Variants in C7 observed in about 807,000 individuals in gnomAD.
The protein encoded by C7 is complement component C7.
In C7, 83 loss-of-function variants were observed where a neutral mutation model predicts 104.8. The observed-to-expected ratio is 0.79, with a 90% CI of 0.66 to 0.95. The LOEUF is 0.95. Among genes scored for constraint, C7 ranks in the 40% least tolerant of loss-of-function variants. The pLI is 0.00. For synonymous variants in C7, 415 were observed against 360.6 expected, an observed-to-expected ratio of 1.15 and a Z score of -1.71; for missense variants, 1,070 against 1,011.2, an observed-to-expected ratio of 1.06 and a Z score of -0.79.
At chr5:40,913,944 G>T (rs1739263198) in intron 1 of C7, among the ~76,000 whole-genome samples, 2 of 152,152 alleles carry the variant, frequency 1.3e-5, no homozygotes, top group Non-Finnish European at 2.9e-5. Flanking sequence ...CTCCCAAAGT[G>T]TTGGGATTAC....
rs141551681 is a variant in C7 at position 40,963,665 on chromosome 5, T to C, written c.1750-1076T>C. The stretch of plus-strand genomic sequence containing the variant: ...TTGAGTTTTTCACCATCCCCTTGGG[T>C]GGAAGACAATGAGAAGGGTAAGGAA... On this transcript the variant is annotated intron_variant, in intron 13 of 17. Transcript: ENST00000313164. Among the ~76,000 whole-genome samples, 784 of 152,188 alleles carry C rather than the reference T, an allele frequency of 5.2e-3. 7 individuals are homozygous for C. Among genetic ancestry groups the C allele is most frequent in the African/African-American group, 0.018 (739 of 41,516 alleles).
At chr5:40,962,499 C>T (rs1318773819) in intron 13 of C7, among the ~76,000 whole-genome samples, 2 of 152,174 alleles carry the variant, frequency 1.3e-5, no homozygotes, top group Non-Finnish European at 2.9e-5. Context: ...CTCTTTAACT[C>T]ACAGAGCTTC....
chr5:40,921,114 A>C (rs1040017694), intron 1 of C7, among the ~76,000 whole-genome samples: 4 of 152,130 alleles, frequency 2.6e-5, no homozygotes, highest in Non-Finnish European at 5.9e-5. Context: ...AATTCAGTAA[A>C]TTTGCAGGCT....
chr5:40,947,584 T>C lies in C7; in HGVS notation c.739-18T>C. Reference sequence around the variant, plus strand: ...ATCTTCCACCTAAAACTCCTTGTACTCTTTCTTCTTTCCACAGAGTTACCA... The same window carrying C: ...ATCTTCCACCTAAAACTCCTTGTACCCTTTCTTCTTTCCACAGAGTTACCA... On this transcript the variant is annotated intron_variant, in intron 7 of 17. Coordinates refer to ENST00000313164, the MANE Select transcript of C7 (RefSeq NM_000587.4). The C allele has an allele frequency of 6.2e-7, 1 of 1,612,322 alleles. No homozygotes were observed. The highest frequency in any genetic ancestry group is 8.5e-7 in the Non-Finnish European group (1 of 1,179,024).
intron 12 of C7, among the ~76,000 whole-genome samples, chr5:40,961,488 G>C (rs1740420034): frequency 6.6e-6 from 1 of 151,894 alleles, no homozygotes; most frequent in African/African-American, 2.4e-5. Context: ...AAGCTCAGGA[G>C]ATTCTCCTGC....
chr5:40,968,590 ATATATATATATTTTTTTTTTTTTTT>A (rs1462204250), intron 14 of C7, among the ~76,000 whole-genome samples: 156 of 43,800 alleles, frequency 3.6e-3, no homozygotes, highest in Middle Eastern at 0.017. Context: ...ATATATATAT[ATATATATATATTTTTTTTTTTTTTT>A]TTTTTTTTTT....
rs1741010418 is a variant in C7, at chr5:40,984,060, T to C, written c.*2487T>C. 6.6e-6 allele frequency among the ~76,000 whole-genome samples: 1 copy of C among 152,226 alleles called. No individual in the cohort carries two copies. The highest frequency in any genetic ancestry group is 1.5e-5 in the Non-Finnish European group (1 of 68,038). On this transcript the variant is annotated 3_prime_UTR_variant, in exon 18 of 18. Coordinates refer to ENST00000313164, the MANE Select transcript of C7 (RefSeq NM_000587.4). ...CATCGCTTACCACTCATGAGGACGC[T>C]ACAAGTTACCTGGGCAGAGAAGGTG...
chr5:40,931,130 C>T lies in C7; in HGVS notation c.129C>T (p.Thr43=), dbSNP rs763666089. 11 of 1,612,574 alleles carry T rather than the reference C, an allele frequency of 6.8e-6. No homozygotes were observed. In the South Asian group the frequency reaches 1.1e-4, roughly 16 times the overall value. ...YAPWSECNGC[T]KTQTRRRSVA... ...CTTGGTCAGAATGCAATGGCTGTAC[C>T]AAGACTCAGGTAGGACCATGCAAAA... is the stretch of plus-strand genomic sequence containing the variant. The change falls in exon 3 of 18, where the codon ACC becomes ACT. Residue 43 remains threonine, a synonymous_variant. Transcript: ENST00000313164.
chr5:40,953,588 C>T (rs1740223208), intron 9 of C7, among the ~76,000 whole-genome samples: 1 of 131,802 alleles, frequency 7.6e-6, no homozygotes. Flanking sequence ...TTGCAGTGAG[C>T]TGAGATAGTG....
chr5:40,959,288 T>C (rs1043753979), intron 11 of C7, among the ~76,000 whole-genome samples, 161 bp from the exon 12 acceptor site: 3 of 152,232 alleles, frequency 2.0e-5, no homozygotes, highest in Non-Finnish European at 4.4e-5. Context: ...AGTCTGTATG[T>C]AGAGCCATTC....
At chr5:40,971,505 G>A (rs1405620739) in intron 14 of C7, among the ~76,000 whole-genome samples, 1 of 152,162 alleles carries the variant, frequency 6.6e-6, no homozygotes, top group East Asian at 1.9e-4. Flanking sequence ...CAGATAGATA[G>A]ATTACAAACA....
Position 40,972,570 on chromosome 5 carries a change from A to G in C7, c.2050A>G (p.Lys684Glu). The G allele has an allele frequency of 6.2e-7, 1 of 1,608,444 alleles. No homozygotes were observed. The highest frequency in any genetic ancestry group is 2.2e-5 in the East Asian group (1 of 44,862). The change falls in exon 15 of 18, where the codon AAG becomes GAG. Residue 684 changes from lysine to glutamate, a missense_variant. Transcript: ENST00000313164. ...CAGCCTTAAGTGGAGTCCTGAGATG[A>G]AGAATGCCCGCTGTGTACAAAAAGG... Reference protein sequence around the residue: ...GSSLKWSPEMKNARCVQKENP... With the variant: ...GSSLKWSPEMENARCVQKENP...
rs764072783 is a variant in C7, at chr5:40,931,108, G to A, written c.107G>A (p.Trp36Ter). 2 of 1,613,572 alleles carry A rather than the reference G, an allele frequency of 1.2e-6. No individual in the cohort carries two copies. Among genetic ancestry groups the A allele is most frequent in the Non-Finnish European group, 1.7e-6 (2 of 1,179,586 alleles). Residue 36 changes from tryptophan (W) to a stop codon, truncating the protein, a stop_gained, in exon 3 of 18, where the codon TGG becomes TAG. Transcript: ENST00000313164. LOFTEE classifies it high-confidence loss of function. Reference sequence around the variant, plus strand: ...TGCCAGTGGGACTTCTATGCCCCTTGGTCAGAATGCAATGGCTGTACCAAG... The same window carrying A: ...TGCCAGTGGGACTTCTATGCCCCTTAGTCAGAATGCAATGGCTGTACCAAG... ...VNCQWDFYAPWSECNGCTKTQ... is the reference protein window; with the variant it reads ...VNCQWDFYAP
intron 15 of C7, among the ~76,000 whole-genome samples, chr5:40,973,131 C>G (rs1053927438): frequency 1.3e-5 from 2 of 151,994 alleles, no homozygotes; most frequent in African/African-American, 4.8e-5. Flanking sequence ...AATGTGGAAA[C>G]CCAAAAATCC....
Position 40,965,648 on chromosome 5 carries a change from A to AT in C7, c.1882+785dup, listed in dbSNP as rs1554043910. Among the ~76,000 whole-genome samples, 59 of 130,290 alleles carry AT rather than the reference A, an allele frequency of 4.5e-4. 1 individual carries two copies. The highest frequency in any genetic ancestry group is 1.3e-3 in the African/African-American group (40 of 31,402). The allele number at this position is 130,290 out of a possible 152,430, so 85.5% of individuals were successfully genotyped here. ...TAGTGATATATATATATATATATAT[A>AT]TTTTTTTTTTGGAGACAGAGTCTCA... is the stretch of plus-strand genomic sequence containing the variant. On this transcript the variant is annotated intron_variant, in intron 14 of 17. Transcript: ENST00000313164.
intron 9 of C7, chr5:40,954,856 T>C (rs1300704340): frequency 1.3e-5 from 2 of 156,434 alleles, no homozygotes; most frequent in African/African-American, 3.9e-5. Flanking sequence ...CAGCCTGGGC[T>C]ACAGAGTGAG....
chr5:40,979,870 A>T lies in C7; in HGVS notation c.2311A>T (p.Lys771Ter). The T allele has an allele frequency of 6.2e-7, 1 of 1,605,980 alleles. No homozygotes were observed. Among genetic ancestry groups the T allele is most frequent in the East Asian group, 2.2e-5 (1 of 44,696 alleles). Residue 771 changes from lysine to a stop codon, truncating the protein, a stop_gained, in exon 17 of 18, where the codon AAA becomes TAA. Coordinates refer to ENST00000313164, the MANE Select transcript of C7 (RefSeq NM_000587.4). LOFTEE classifies it low-confidence loss of function (END_TRUNC). ...DSCTLPASAEKACGACPLWGK... is the reference protein window; with the variant it reads ...DSCTLPASAE ...CTGTACTCTGCCTGCCTCAGCTGAG[A>T]AAGCTTGTGGTGCCTGCCCACTGTG... is the stretch of plus-strand genomic sequence containing the variant.
chr5:40,916,084 C>CAGTTAAAGTAGGAAAATACATAG (rs564153842), intron 1 of C7, among the ~76,000 whole-genome samples: 2,103 of 152,202 alleles, frequency 0.014, 52 homozygotes, highest in African/African-American at 0.048. Context: ...CTTCAGCTAT[C>CAGTTAAAGTAGGAAAATACATAG]AGTTAAAGTA....
At position 40,983,936 on chromosome 5, in the gene C7, G is replaced by A. The variant is rs906081950; in HGVS notation, c.*2363G>A. Among the ~76,000 whole-genome samples, 10 of 152,042 alleles carry A rather than the reference G, an allele frequency of 6.6e-5. No homozygotes were observed. Among genetic ancestry groups the A allele is most frequent in the Admixed American group, 5.2e-4 (8 of 15,262 alleles). On this transcript the variant is annotated 3_prime_UTR_variant, in exon 18 of 18. Coordinates refer to ENST00000313164, the MANE Select transcript of C7 (RefSeq NM_000587.4). Reference sequence around the variant, plus strand: ...GCATTGCTGAGATTAGAGTCATTTGGCCCTCAGAAGGAACAGACAAAGAGA... The same window carrying A: ...GCATTGCTGAGATTAGAGTCATTTGACCCTCAGAAGGAACAGACAAAGAGA...
Sources: allele counts gnomAD v4.1 joint callset (sites outside exome capture counted in the v4.1 genomes callset), GRCh38; gene constraint gnomAD v4.1.1; transcripts MANE v1.5; gene names NCBI Gene and HGNC (gene_info 2026-07-23, HGNC 2026-07-21).